SORCS2: variants seen among roughly 807,000 people sequenced by gnomAD.
The protein encoded by SORCS2 is sortilin related VPS10 domain containing receptor 2.
SORCS2 carries 100 observed loss-of-function variants against 141.6 expected under a neutral mutation model. That is an observed-to-expected ratio of 0.71 (90% CI 0.60 to 0.83). The LOEUF is 0.83. Ranked by LOEUF, SORCS2 falls within the 40% of genes least tolerant of loss-of-function variation. SORCS2 has a pLI of 0.00. For missense variants in SORCS2, 1,646 were observed against 1,560.2 expected (o/e 1.05, Z -0.93); for synonymous variants, 789 against 676.9 (o/e 1.17, Z -2.57).
chr4:7,328,193 T>A (rs1370665971), intron 1 of SORCS2, among the ~76,000 whole-genome samples: 1 of 86,656 alleles, frequency 1.2e-5, no homozygotes, highest in Non-Finnish European at 2.1e-5. Context: ...GCCTGGCTAA[T>A]TTTTTTTTTT....
At chr4:7,719,547 G>A (rs1159404134) in intron 18 of SORCS2, among the ~76,000 whole-genome samples, 2 of 152,180 alleles carry the variant, frequency 1.3e-5, no homozygotes, top group African/African-American at 4.8e-5. Flanking sequence ...CCGTTCCCTG[G>A]TGCAGGCTGC....
At chr4:7,706,627 C>T (rs1389114811) in intron 14 of SORCS2, among the ~76,000 whole-genome samples, 2 of 134,626 alleles carry the variant, frequency 1.5e-5, no homozygotes. Flanking sequence ...CTGGCCTCTG[C>T]CTGGACAGGG....
intron 2 of SORCS2, among the ~76,000 whole-genome samples, chr4:7,449,460 C>T (rs12502708): frequency 0.37 from 50,484 of 138,064 alleles, 10,838 homozygotes; most frequent in Middle Eastern, 0.53. Context: ...CTTTTCTTCC[C>T]ACCTATGGGT....
intron 1 of SORCS2, among the ~76,000 whole-genome samples, chr4:7,202,084 TG>T (rs144496079): frequency 0.045 from 6,779 of 152,198 alleles, 557 homozygotes; most frequent in African/African-American, 0.15. Context: ...GGGAATGCCC[TG>T]TACCTCTCTC....
intron 1 of SORCS2, among the ~76,000 whole-genome samples, chr4:7,207,537 G>A (rs1727819063): frequency 6.6e-6 from 1 of 152,198 alleles, no homozygotes; most frequent in Admixed American, 6.5e-5. Flanking sequence ...AGTCCTCCAG[G>A]CCTGGGTTCC....
At position 7,302,797 on chromosome 4, in the gene SORCS2, G is replaced by A. The variant is rs539323948; in HGVS notation, c.481-93491G>A. Reference sequence around the variant, plus strand: ...TGTGTGTGTGTGTGTGTGCGCGCGCGTGTGTGTGTGTTTGTAGGAGTGTTC... The same window carrying A: ...TGTGTGTGTGTGTGTGTGCGCGCGCATGTGTGTGTGTTTGTAGGAGTGTTC... On this transcript the variant is annotated intron_variant, in intron 1 of 26. Transcript: ENST00000507866. Among the ~76,000 whole-genome samples, 823 of 146,640 alleles carry A rather than the reference G, an allele frequency of 5.6e-3. 7 individuals are homozygous for A. Among genetic ancestry groups the A allele is most frequent in the African/African-American group, 0.019 (748 of 39,638 alleles).
intron 1 of SORCS2, among the ~76,000 whole-genome samples, chr4:7,390,278 C>T (rs866957160): frequency 6.6e-6 from 1 of 152,174 alleles, no homozygotes; most frequent in Non-Finnish European, 1.5e-5. Flanking sequence ...CTGAGTCTGT[C>T]TGTCTTTTTG....
intron 1 of SORCS2, among the ~76,000 whole-genome samples, chr4:7,308,218 A>G (rs1040303302): frequency 6.6e-6 from 1 of 152,150 alleles, no homozygotes; most frequent in Non-Finnish European, 1.5e-5. Context: ...TTTAGGGATC[A>G]GTGTTTTCCA....
intron 1 of SORCS2, among the ~76,000 whole-genome samples, chr4:7,306,417 T>A (rs1344386360): frequency 6.6e-6 from 1 of 152,026 alleles, no homozygotes; most frequent in Non-Finnish European, 1.5e-5. Context: ...AGGAAGGGGA[T>A]CAGAGAGGAT....
chr4:7,562,554 T>C (rs969305122), intron 3 of SORCS2, among the ~76,000 whole-genome samples: 4 of 152,220 alleles, frequency 2.6e-5, no homozygotes, highest in Non-Finnish European at 4.4e-5. Context: ...CTCTGTTGCA[T>C]GTTCTACTTG....
chr4:7,645,107 C>T (rs1720986991), intron 4 of SORCS2, among the ~76,000 whole-genome samples: 1 of 152,194 alleles, frequency 6.6e-6, no homozygotes, highest in South Asian at 2.1e-4. Flanking sequence ...GGCTTTATTA[C>T]CTTGCTCACA....
chr4:7,720,959 C>G (rs547272818), intron 18 of SORCS2, among the ~76,000 whole-genome samples: 22 of 152,330 alleles, frequency 1.4e-4, no homozygotes, highest in African/African-American at 5.3e-4. Flanking sequence ...CATGCAACGA[C>G]CAGAGGACTG....
At chr4:7,504,854 T>C (rs1295272809) in intron 2 of SORCS2, among the ~76,000 whole-genome samples, 1 of 152,190 alleles carries the variant, frequency 6.6e-6, no homozygotes, top group African/African-American at 2.4e-5. Flanking sequence ...GACCCGACTG[T>C]TGGGGGCCAC....
At chr4:7,628,045 T>G (rs1338009788) in intron 3 of SORCS2, among the ~76,000 whole-genome samples, 1 of 152,186 alleles carries the variant, frequency 6.6e-6, no homozygotes, top group Non-Finnish European at 1.5e-5. Flanking sequence ...GAACAAGGTG[T>G]CTCCACTCTT....
At chr4:7,460,500 G>A (rs1157560152) in intron 2 of SORCS2, among the ~76,000 whole-genome samples, 2 of 152,194 alleles carry the variant, frequency 1.3e-5, no homozygotes, top group Admixed American at 6.5e-5. Context: ...GCTTTCCCAA[G>A]CCCACCTTGC....
chr4:7,697,935 A>G (rs1009414093), intron 12 of SORCS2, among the ~76,000 whole-genome samples: 7 of 152,168 alleles, frequency 4.6e-5, no homozygotes, highest in African/African-American at 1.4e-4. Flanking sequence ...TCTGTGCTCC[A>G]TGCAGCCCCA....
chr4:7,659,137 G>A (rs1195384653), intron 5 of SORCS2, among the ~76,000 whole-genome samples: 1 of 152,164 alleles, frequency 6.6e-6, no homozygotes, highest in Non-Finnish European at 1.5e-5. Context: ...GGCTAAAGCA[G>A]GTGGAAGTTT....
chr4:7,259,169 G>C (rs80309329), intron 1 of SORCS2, among the ~76,000 whole-genome samples: 18,231 of 152,116 alleles, frequency 0.12, 1,192 homozygotes, highest in East Asian at 0.2. Flanking sequence ...TGTTGCCACC[G>C]TTTCTTTAAA....
chr4:7,697,255 G>A lies in SORCS2; in HGVS notation c.1649G>A (p.Cys550Tyr). ...YKEEMYITSD[C>Y]GHTWRQVFEE... is the part of the protein sequence containing the mutation. ...GAAGAAATGTACATCACGTCAGACT[G>A]TGGTCACACCTGGCGGCAGGTAAGC... Residue 550 changes from cysteine (C) to tyrosine (Y), a missense_variant, in exon 12 of 27, where the codon TGT (cysteine) becomes TAT (tyrosine). Physicochemically the swap from Cys to Tyr is radical, Grantham distance 194. Coordinates refer to ENST00000507866, the MANE Select transcript of SORCS2 (RefSeq NM_020777.3). The A allele has an allele frequency of 6.3e-7, 1 of 1,590,500 alleles. No homozygotes were observed. Among genetic ancestry groups the A allele is most frequent in the Admixed American group, 1.8e-5 (1 of 56,944 alleles).
Sources: allele counts gnomAD v4.1 joint callset (sites outside exome capture counted in the v4.1 genomes callset), GRCh38; gene constraint gnomAD v4.1.1; transcripts MANE v1.5; gene names NCBI Gene and HGNC (gene_info 2026-07-23, HGNC 2026-07-21).